The following NAV1 variants were observed in gnomAD, a reference collection of about 807,000 sequenced individuals.
NAV1 encodes the protein neuron navigator 1.
NAV1 carries 18 observed loss-of-function variants against 175.2 expected under a neutral mutation model. The observed-to-expected ratio is 0.10, with a 90% confidence interval of 0.07 to 0.15. The LOEUF (loss-of-function observed/expected upper bound fraction) is 0.15, where lower values mean the gene tolerates loss of function less well. Ranked by LOEUF, NAV1 falls within the 10% of genes least tolerant of loss-of-function variation. The pLI is 1.00. For missense variants in NAV1, 1,731 were observed against 2,436.6 expected, an observed-to-expected ratio of 0.71 and a Z score of 6.10; for synonymous variants, 897 against 978.7, an observed-to-expected ratio of 0.92 and a Z score of 1.56.
At chr1:201,666,156 C>T (rs931224296) in intron 1 of NAV1, among the ~76,000 whole-genome samples, 7 of 152,076 alleles carry the variant, frequency 4.6e-5, no homozygotes, top group Non-Finnish European at 8.8e-5. Context: ...GCTCCTTCCC[C>T]AGCAACACTG....
chr1:201,644,196 G>T (rs909732749), upstream of NAV1, among the ~76,000 whole-genome samples: 3 of 152,296 alleles, frequency 2.0e-5, no homozygotes, highest in African/African-American at 7.2e-5. Context: ...GATCATTGAT[G>T]GTAGAATCTC....
intron 3 of NAV1, among the ~76,000 whole-genome samples, chr1:201,751,037 T>G (rs1238067751): frequency 6.6e-6 from 1 of 152,218 alleles, no homozygotes; most frequent in Non-Finnish European, 1.5e-5. Context: ...CCTAGACTGA[T>G]CATAAAGCCT....
At chr1:201,672,211 A>C (rs1571875946) in intron 1 of NAV1, among the ~76,000 whole-genome samples, 1 of 152,256 alleles carries the variant, frequency 6.6e-6, no homozygotes, top group East Asian at 1.9e-4. Flanking sequence ...ACACATACTG[A>C]GTCAAAAGTT....
intron 1 of NAV1, among the ~76,000 whole-genome samples, chr1:201,540,415 T>C (rs527950199): frequency 2.8e-4 from 43 of 152,344 alleles, no homozygotes; most frequent in African/African-American, 9.6e-4. Flanking sequence ...GTTCGTTCAC[T>C]GTGCAAAAGC....
At chr1:201,619,451 A>G (rs1668095840), upstream of NAV1, among the ~76,000 whole-genome samples, 2 of 152,232 alleles carry the variant, frequency 1.3e-5, no homozygotes, top group South Asian at 2.1e-4. Flanking sequence ...GTTCTGGATT[A>G]TCTCACCAAT....
At chr1:201,765,307 G>A (rs957248318) in intron 3 of NAV1, among the ~76,000 whole-genome samples, 20 of 150,616 alleles carry the variant, frequency 1.3e-4, no homozygotes, top group South Asian at 2.1e-4. Flanking sequence ...TTTCAGCATC[G>A]AACAGAATGA....
At chr1:201,642,527 TTC>T (rs1668809782) in intron 2 of NAV1, among the ~76,000 whole-genome samples, 1 of 92,314 alleles carries the variant, frequency 1.1e-5, no homozygotes, top group African/African-American at 6.7e-5. Flanking sequence ...CTTTCTTTTT[TTC>T]TTTCTTTCTT....
chr1:201,631,318 G>T (rs1481062034), intron 2 of NAV1, among the ~76,000 whole-genome samples: 1 of 152,224 alleles, frequency 6.6e-6, no homozygotes, highest in Admixed American at 6.5e-5. Flanking sequence ...TGAGCTTGAA[G>T]AAAACAGAGA....
intron 1 of NAV1, among the ~76,000 whole-genome samples, chr1:201,689,270 A>T (rs764557685): frequency 3.3e-5 from 5 of 152,244 alleles, no homozygotes; most frequent in Non-Finnish European, 2.9e-5. Flanking sequence ...ATACGAATCC[A>T]ATTATGAATC....
chr1:201,793,800 G>C, exon 14 of NAV1: 4 of 1,613,464 alleles, frequency 2.5e-6, no homozygotes, highest in Non-Finnish European at 2.5e-6. Flanking sequence ...AGGCTAATCT[G>C]GTGGCTGCTT....
chr1:201,552,064 G>A (rs1435612722), intron 1 of NAV1, among the ~76,000 whole-genome samples: 4 of 152,244 alleles, frequency 2.6e-5, no homozygotes, highest in Admixed American at 1.3e-4. Context: ...AGTGACCACA[G>A]AGTTGGGGGT....
chr1:201,707,607 G>A (rs1671724342), intron 1 of NAV1, among the ~76,000 whole-genome samples: 1 of 152,176 alleles, frequency 6.6e-6, no homozygotes, highest in African/African-American at 2.4e-5. Flanking sequence ...CTCTTGATGA[G>A]CAATTTCGTA....
At chr1:201,695,888 G>A (rs1389000273) in intron 1 of NAV1, among the ~76,000 whole-genome samples, 1 of 152,236 alleles carries the variant, frequency 6.6e-6, no homozygotes, top group African/African-American at 2.4e-5. Flanking sequence ...AGAAGGCCCA[G>A]CACATCTCCT....
In NAV1 at chr1:201,561,381, C is replaced by T. The variant is rs187044384; in HGVS notation, c.-144+22039C>T. 1.2e-4 allele frequency among the ~76,000 whole-genome samples: 18 copies of T among 152,272 alleles called. 1 individual carries two copies. Among genetic ancestry groups the T allele is most frequent in the African/African-American group, 2.9e-4 (12 of 41,548 alleles). On this transcript the variant is annotated intron_variant, in intron 1 of 33. Coordinates refer to the NAV1 transcript ENST00000685211. ...ATCTGCCCCATCACACATGGTGTTACGCAAAAACAGGATGTGGGAGCTGCA... is the reference window on the plus strand; with the variant it reads ...ATCTGCCCCATCACACATGGTGTTATGCAAAAACAGGATGTGGGAGCTGCA...
chr1:201,652,171 G>A (rs1191414445), intron 1 of NAV1, among the ~76,000 whole-genome samples: 4 of 151,250 alleles, frequency 2.6e-5, no homozygotes, highest in Non-Finnish European at 5.9e-5. Context: ...CCCCACCTCA[G>A]TGGGGCTCAG....
chr1:201,681,810 TAA>T, intron 1 of NAV1, among the ~76,000 whole-genome samples: 1 of 151,760 alleles, frequency 6.6e-6, no homozygotes, highest in African/African-American at 2.4e-5. Context: ...CCATCTCTAC[TAA>T]AAATACAAAA....
intron 1 of NAV1, among the ~76,000 whole-genome samples, chr1:201,549,193 CTTCCTTCTTTCTTTCT>C (rs1323151108): frequency 7.0e-6 from 1 of 142,138 alleles, no homozygotes; most frequent in South Asian, 2.2e-4. Flanking sequence ...TCCTTCCTTC[CTTCCTTCTTTCTTTCT>C]TTCCTTCTTT....
chr1:201,814,029 G>T (rs1678864778), intron 28 of NAV1, among the ~76,000 whole-genome samples: 1 of 152,100 alleles, frequency 6.6e-6, no homozygotes, highest in South Asian at 2.1e-4. Context: ...CTGTACTCCA[G>T]TCTGGGCAAC....
At chr1:201,731,575 A>T (rs1486268511) in intron 3 of NAV1, among the ~76,000 whole-genome samples, 2 of 152,018 alleles carry the variant, frequency 1.3e-5, no homozygotes. Flanking sequence ...AGCTTGGGAG[A>T]CAGGAACAAA....
Sources: allele counts gnomAD v4.1 joint callset (sites outside exome capture counted in the v4.1 genomes callset), GRCh38; gene constraint gnomAD v4.1.1; transcripts MANE v1.5; gene names NCBI Gene and HGNC (gene_info 2026-07-23, HGNC 2026-07-21).